EHMT1: variants seen among roughly 807,000 people sequenced by gnomAD.
EHMT1 encodes the protein euchromatic histone lysine methyltransferase 1.
A neutral mutation model predicts 147.2 loss-of-function variants in EHMT1; 15 were observed. The observed-to-expected ratio is 0.10, with a 90% CI of 0.07 to 0.16. The LOEUF is 0.16. Ranked by LOEUF, EHMT1 falls within the 10% of genes least tolerant of loss-of-function variation. The probability of loss-of-function intolerance (pLI) is 1.00; values close to 1 mark genes in which losing one functional copy is unlikely to be tolerated. For synonymous variants in EHMT1, 795 were observed against 709.6 expected (o/e 1.12, Z -1.91); for missense variants, 1,587 against 1,772.4 (o/e 0.90, Z 1.88).
chr9:137,765,443 T>G (rs192090314), intron 10 of EHMT1, among the ~76,000 whole-genome samples: 38 of 152,348 alleles, frequency 2.5e-4, no homozygotes, highest in Admixed American at 9.1e-4. Context: ...TGGTAAGCTT[T>G]TTTTGTTTAA....
chr9:137,671,495 C>T (rs1166481378), intron 1 of EHMT1, among the ~76,000 whole-genome samples: 1 of 151,432 alleles, frequency 6.6e-6, no homozygotes, highest in Non-Finnish European at 1.5e-5. Context: ...GACCCAAAGA[C>T]CCGAAGAGTT....
At chr9:137,830,245 G>GTGAC (rs1956098009) in intron 25 of EHMT1, among the ~76,000 whole-genome samples, 2 of 152,142 alleles carry the variant, frequency 1.3e-5, no homozygotes, top group African/African-American at 4.8e-5. Context: ...TCGGTACCAT[G>GTGAC]TGACACCCAG....
At chr9:137,710,011 G>A (rs1944560112) in intron 1 of EHMT1, among the ~76,000 whole-genome samples, 1 of 152,118 alleles carries the variant, frequency 6.6e-6, no homozygotes, top group African/African-American at 2.4e-5. Flanking sequence ...AGCTGTGGGT[G>A]GGGCATTTGC....
intron 25 of EHMT1, among the ~76,000 whole-genome samples, chr9:137,826,555 G>A (rs1188438030): frequency 6.6e-6 from 1 of 152,210 alleles, no homozygotes; most frequent in Non-Finnish European, 1.5e-5. Context: ...CAGTGCTGGA[G>A]GCCAGAAGTC....
intron 24 of EHMT1, 68 bp downstream of exon 24, chr9:137,817,593 A>G: frequency 6.3e-7 from 1 of 1,596,566 alleles, no homozygotes; most frequent in African/African-American, 1.3e-5. Flanking sequence ...CTGTGTCTGT[A>G]CTTCAGGAAG....
chr9:137,690,502 G>A (rs1429048628), intron 1 of EHMT1, among the ~76,000 whole-genome samples: 1 of 111,354 alleles, frequency 9.0e-6, no homozygotes, highest in Non-Finnish European at 1.7e-5. Context: ...GTGAGACCCT[G>A]TCTCAAAAAA....
chr9:137,630,544 AAATC>A (rs1204852159), intron 1 of EHMT1, among the ~76,000 whole-genome samples: 1 of 152,252 alleles, frequency 6.6e-6, no homozygotes, highest in Admixed American at 6.5e-5. Flanking sequence ...GCAAATTTAG[AAATC>A]AAACCTAGAA....
At chr9:137,827,047 T>A (rs925704987) in intron 25 of EHMT1, among the ~76,000 whole-genome samples, 3 of 152,236 alleles carry the variant, frequency 2.0e-5, no homozygotes, top group Non-Finnish European at 4.4e-5. Context: ...ACGTCTGTGC[T>A]GTGCCTTCAC....
rs546968856 is a variant in EHMT1 at position 137,658,116 on chromosome 9, G to A, written c.21+39067G>A. ...CCACGTTTTACCTTCTGCTTCTTTC[G>A]TTCTCCTTCCTTCTGTCACTCGCGG... On this transcript the variant is annotated intron_variant, in intron 1 of 26. Coordinates refer to ENST00000460843, the MANE Select transcript of EHMT1 (RefSeq NM_024757.5). Among the ~76,000 whole-genome samples the A allele has an allele frequency of 4.6e-5, 7 of 152,114 alleles. No individual in the cohort carries two copies. The South Asian group carries it at 1.0e-3, about 23-fold the overall frequency.
intron 1 of EHMT1, among the ~76,000 whole-genome samples, chr9:137,649,835 G>A (rs998003972): frequency 8.5e-5 from 13 of 152,120 alleles, no homozygotes; most frequent in Admixed American, 7.2e-4. Flanking sequence ...CCAGAACTGC[G>A]AAAAGATAAA....
chr9:137,822,895 G>GAAA (rs112878891), intron 25 of EHMT1, among the ~76,000 whole-genome samples: 16,190 of 127,754 alleles, frequency 0.13, 3,235 homozygotes, highest in African/African-American at 0.43. Context: ...ACTTCATCTC[G>GAAA]AAAAAAAAAA....
chr9:137,684,128 C>T (rs946379155), intron 1 of EHMT1, among the ~76,000 whole-genome samples: 3 of 152,082 alleles, frequency 2.0e-5, no homozygotes, highest in South Asian at 2.1e-4. Flanking sequence ...CTCGACCTCC[C>T]GGGCTCAGGT....
intron 16 of EHMT1, among the ~76,000 whole-genome samples, chr9:137,795,689 T>A (rs955035609): frequency 2.0e-5 from 3 of 152,058 alleles, no homozygotes; most frequent in African/African-American, 7.2e-5. Flanking sequence ...AATGAAACGA[T>A]CCTATTGACG....
At chr9:137,833,258 C>T (rs941668079) in intron 25 of EHMT1, among the ~76,000 whole-genome samples, 3 of 152,252 alleles carry the variant, frequency 2.0e-5, no homozygotes, top group African/African-American at 7.2e-5. Context: ...TGGAAAGCCC[C>T]AGGTGCCTCC....
chr9:137,768,017 A>G (rs1190602404), intron 10 of EHMT1, among the ~76,000 whole-genome samples: 2 of 152,242 alleles, frequency 1.3e-5, no homozygotes, highest in South Asian at 2.1e-4. Flanking sequence ...ACAGCTGCCT[A>G]CAGTATTCAG....
intron 10 of EHMT1, among the ~76,000 whole-genome samples, chr9:137,769,573 G>C (rs868803025): frequency 1.3e-5 from 2 of 151,818 alleles, no homozygotes; most frequent in South Asian, 4.2e-4. Flanking sequence ...TGGCTTGCAT[G>C]GTTTCTAATG....
chr9:137,711,796 G>C (rs192922828), intron 2 of EHMT1, among the ~76,000 whole-genome samples: 1 of 152,190 alleles, frequency 6.6e-6, no homozygotes, highest in African/African-American at 2.4e-5. Context: ...TGAAGGGAGA[G>C]TGGTGTTCTG....
intron 1 of EHMT1, among the ~76,000 whole-genome samples, chr9:137,671,107 A>C (rs1277684369): frequency 6.6e-6 from 1 of 152,184 alleles, no homozygotes; most frequent in Non-Finnish European, 1.5e-5. Flanking sequence ...CTTGACTTAC[A>C]GATTAGTGAG....
chr9:137,629,668 C>T (rs1380180552), intron 1 of EHMT1, among the ~76,000 whole-genome samples: 2 of 152,068 alleles, frequency 1.3e-5, no homozygotes, highest in African/African-American at 4.8e-5. Context: ...GCTGAGGTTA[C>T]AGGCATGAGC....
Sources: gnomAD v4.1 joint callset for allele counts (sites outside exome capture counted in the v4.1 genomes callset) on GRCh38, gnomAD v4.1.1 for gene constraint, MANE v1.5 for transcripts, NCBI Gene and HGNC (gene_info 2026-07-23, HGNC 2026-07-21) for gene names.